The following DRC11 variants were observed in gnomAD, a reference collection of about 807,000 sequenced individuals.
DRC11 encodes the protein dynein regulatory complex subunit 11.
chr2:236,432,012 T>A, the DRC11 span, among the ~76,000 whole-genome samples: 1 of 152,240 alleles, frequency 6.6e-6, no homozygotes, highest in Non-Finnish European at 1.5e-5. Context: ...ATTGGCATGA[T>A]GTTTTCCAAA....
chr2:236,352,334 G>A, the DRC11 span, among the ~76,000 whole-genome samples: 1 of 152,136 alleles, frequency 6.6e-6, no homozygotes, highest in African/African-American at 2.4e-5. The surrounding 1 kb of genome is among the most constrained non-coding windows in gnomAD (Gnocchi z 7.0). Context: ...CAGACAGTAA[G>A]CCTGGGGAGG....
At chr2:236,344,901 T>G in the DRC11 span, among the ~76,000 whole-genome samples, 11 of 148,252 alleles carry the variant, frequency 7.4e-5, no homozygotes, top group Non-Finnish European at 1.0e-4. Context: ...TGCAGAGCCC[T>G]GGTTGTAAAC....
At chr2:236,328,206 A>G in the DRC11 span, among the ~76,000 whole-genome samples, 1 of 152,014 alleles carries the variant, frequency 6.6e-6, no homozygotes, top group Non-Finnish European at 1.5e-5. This position sits in a 1 kb window ranked among gnomAD's most constrained non-coding sequence, Gnocchi z 6.7. Flanking sequence ...CAAGGCTGGT[A>G]TTTCCTGTAG....
chr2:236,507,209 G>T, the DRC11 span: 1 of 1,605,036 alleles, frequency 6.2e-7, no homozygotes, highest in Non-Finnish European at 8.5e-7. Flanking sequence ...CCACCTTCTG[G>T]CTTGGGGAAG....
the DRC11 span, among the ~76,000 whole-genome samples, chr2:236,369,379 T>TG: frequency 6.6e-6 from 1 of 152,156 alleles, no homozygotes; most frequent in Non-Finnish European, 1.5e-5. The surrounding 1 kb of genome is among the most constrained non-coding windows in gnomAD (Gnocchi z 4.5). Flanking sequence ...GGGTATTGGT[T>TG]GGGAGAATGA....
the DRC11 span, chr2:236,503,827 A>G: frequency 3.7e-6 from 3 of 821,130 alleles, no homozygotes; most frequent in Non-Finnish European, 6.0e-6. This position sits in a 1 kb window ranked among gnomAD's most constrained non-coding sequence, Gnocchi z 4.9. Flanking sequence ...CTTTGCGCTC[A>G]GCCCATCTGG....
the DRC11 span, among the ~76,000 whole-genome samples, chr2:236,346,112 T>C: frequency 4.3e-4 from 66 of 152,274 alleles, 1 homozygote; most frequent in Admixed American, 1.5e-3. Flanking sequence ...AAGCACCATT[T>C]GATAGGTATT....
chr2:236,458,837 G>C, the DRC11 span, among the ~76,000 whole-genome samples: 1 of 152,188 alleles, frequency 6.6e-6, no homozygotes, highest in Non-Finnish European at 1.5e-5. Context: ...CCTGAGGTCA[G>C]GAGTTTGAGA....
chr2:236,386,649 T>A, the DRC11 span, among the ~76,000 whole-genome samples: 1 of 152,090 alleles, frequency 6.6e-6, no homozygotes, highest in Non-Finnish European at 1.5e-5. Context: ...GTGTTTTTTG[T>A]GTCTCTATTT....
At chr2:236,331,761 T>C in the DRC11 span, 1 of 610,066 alleles carries the variant, frequency 1.6e-6, no homozygotes, top group Non-Finnish European at 2.9e-6. The surrounding 1 kb of genome is among the most constrained non-coding windows in gnomAD (Gnocchi z 4.8). Flanking sequence ...ACTAAATGCT[T>C]TCCTCTAGAG....
At chr2:236,360,718 G>C in the DRC11 span, among the ~76,000 whole-genome samples, 1 of 152,134 alleles carries the variant, frequency 6.6e-6, no homozygotes. The surrounding 1 kb of genome is among the most constrained non-coding windows in gnomAD (Gnocchi z 5.8). Flanking sequence ...GAAAAACAGA[G>C]AACGCAGCAC....
chr2:236,319,013 CAG>C, the DRC11 span, among the ~76,000 whole-genome samples: 1 of 152,304 alleles, frequency 6.6e-6, no homozygotes, highest in East Asian at 1.9e-4. This position sits in a 1 kb window ranked among gnomAD's most constrained non-coding sequence, Gnocchi z 6.7. Flanking sequence ...GCAGGAGAAA[CAG>C]AGCAGAGTGA....
the DRC11 span, among the ~76,000 whole-genome samples, chr2:236,439,469 T>C: frequency 5.3e-5 from 8 of 152,238 alleles, no homozygotes; most frequent in Non-Finnish European, 1.5e-5. Context: ...AGATAGTGTG[T>C]ATTTGTACTT....
At chr2:236,400,439 C>T in the DRC11 span, among the ~76,000 whole-genome samples, 3 of 152,232 alleles carry the variant, frequency 2.0e-5, no homozygotes, top group East Asian at 5.8e-4. The surrounding 1 kb of genome is among the most constrained non-coding windows in gnomAD (Gnocchi z 7.9). Context: ...CCTCTGCCGC[C>T]AGGGTTCACC....
chr2:236,430,664 T>A, the DRC11 span, among the ~76,000 whole-genome samples: 19 of 152,340 alleles, frequency 1.2e-4, no homozygotes, highest in East Asian at 3.5e-3. The surrounding 1 kb of genome is among the most constrained non-coding windows in gnomAD (Gnocchi z 6.0). Context: ...ATTTTGCAGG[T>A]GGTGAACATA....
chr2:236,372,965 T>G, the DRC11 span, among the ~76,000 whole-genome samples: 2 of 152,170 alleles, frequency 1.3e-5, no homozygotes, highest in Non-Finnish European at 2.9e-5. This position sits in a 1 kb window ranked among gnomAD's most constrained non-coding sequence, Gnocchi z 4.5. Context: ...CTTTAGGGAC[T>G]CGTATTATCT....
At chr2:236,392,187 A>C in the DRC11 span, 4 of 1,481,358 alleles carry the variant, frequency 2.7e-6, no homozygotes, top group Non-Finnish European at 3.8e-6. This position sits in a 1 kb window ranked among gnomAD's most constrained non-coding sequence, Gnocchi z 5.1. Context: ...AATTGTAAAG[A>C]AGCACAATGG....
chr2:236,459,104 C>A, the DRC11 span, among the ~76,000 whole-genome samples: 1 of 151,964 alleles, frequency 6.6e-6, no homozygotes, highest in Non-Finnish European at 1.5e-5. Flanking sequence ...ATTCAAAAAG[C>A]TTTAGCATCT....
At chr2:236,413,441 T>C in the DRC11 span, among the ~76,000 whole-genome samples, 1 of 152,240 alleles carries the variant, frequency 6.6e-6, no homozygotes, top group South Asian at 2.1e-4. This position sits in a 1 kb window ranked among gnomAD's most constrained non-coding sequence, Gnocchi z 4.0. Flanking sequence ...CCCTCATTCC[T>C]GATAACTTCC....
Sources: allele counts gnomAD v4.1 joint callset (sites outside exome capture counted in the v4.1 genomes callset), GRCh38; gene constraint gnomAD v4.1.1; non-coding constraint Gnocchi (gnomAD v3.1); transcripts MANE v1.5; gene names NCBI Gene and HGNC (gene_info 2026-07-23, HGNC 2026-07-21).